Variants in SH3GL2 observed in about 807,000 individuals in gnomAD.
SH3GL2 encodes the protein SH3 domain containing GRB2 like 2, endophilin A1, also known as endophilin-A1.
In SH3GL2, 24 loss-of-function variants were observed where a neutral mutation model predicts 46.0. The observed-to-expected ratio is 0.52, with a 90% confidence interval of 0.38 to 0.73. The LOEUF (loss-of-function observed/expected upper bound fraction) is 0.73, where lower values mean the gene tolerates loss of function less well. Among genes scored for constraint, SH3GL2 ranks in the 30% least tolerant of loss-of-function variants. The probability of loss-of-function intolerance (pLI) is 0.00; values close to 1 mark genes in which losing one functional copy is unlikely to be tolerated. For synonymous variants in SH3GL2, 196 were observed against 147.1 expected (o/e 1.33, Z -2.40); for missense variants, 413 against 424.2 (o/e 0.97, Z 0.23).
intron 1 of SH3GL2, among the ~76,000 whole-genome samples, chr9:17,711,723 A>C (rs1821629982): frequency 6.6e-6 from 1 of 151,758 alleles, no homozygotes; most frequent in Non-Finnish European, 1.5e-5. Flanking sequence ...CTGTTGATGG[A>C]TGTTGGGTTG....
At chr9:17,746,831 T>G (rs1822702757) in intron 1 of SH3GL2, among the ~76,000 whole-genome samples, 1 of 152,190 alleles carries the variant, frequency 6.6e-6, no homozygotes, top group Non-Finnish European at 1.5e-5. Context: ...GAGGTTGAAA[T>G]CAGAAGATAC....
intron 1 of SH3GL2, among the ~76,000 whole-genome samples, chr9:17,730,188 G>A (rs1822136469): frequency 1.3e-5 from 2 of 152,146 alleles, no homozygotes; most frequent in Admixed American, 1.3e-4. Context: ...TCCCTTGTAA[G>A]TTGGATTCCT....
intron 1 of SH3GL2, among the ~76,000 whole-genome samples, chr9:17,595,617 T>A (rs1337376664): frequency 6.6e-6 from 1 of 152,220 alleles, no homozygotes; most frequent in East Asian, 1.9e-4. Flanking sequence ...TAGTAGTTAT[T>A]GTGGTGAAAA....
chr9:17,615,511 C>T (rs1028655236), intron 1 of SH3GL2, among the ~76,000 whole-genome samples: 1 of 151,728 alleles, frequency 6.6e-6, no homozygotes, highest in Admixed American at 6.6e-5. Flanking sequence ...AAAAATTAGC[C>T]AGGCGTGGCA....
At chr9:17,633,827 G>A (rs10963168) in intron 1 of SH3GL2, among the ~76,000 whole-genome samples, 18,667 of 152,212 alleles carry the variant, frequency 0.12, 1,588 homozygotes, top group Middle Eastern at 0.19. Flanking sequence ...TTGGGGAGTA[G>A]GTGTATGTTC....
At chr9:17,688,338 A>G (rs1820979909) in intron 1 of SH3GL2, among the ~76,000 whole-genome samples, 2 of 151,916 alleles carry the variant, frequency 1.3e-5, no homozygotes, top group Non-Finnish European at 2.9e-5. Context: ...ATCAACGGTG[A>G]AAAAAAATGT....
chr9:17,669,354 C>T (rs1418142590), intron 1 of SH3GL2, among the ~76,000 whole-genome samples: 4 of 152,132 alleles, frequency 2.6e-5, no homozygotes, highest in African/African-American at 4.8e-5. Flanking sequence ...TGTTCACCAC[C>T]GCAGTCAAAA....
chr9:17,645,396 G>C (rs1233188215), intron 1 of SH3GL2, among the ~76,000 whole-genome samples: 3 of 151,994 alleles, frequency 2.0e-5, no homozygotes, highest in South Asian at 4.2e-4. Flanking sequence ...TCTTATGTGT[G>C]AATTTGATCC....
chr9:17,640,456 C>T (rs976595623), intron 1 of SH3GL2, among the ~76,000 whole-genome samples: 3 of 151,686 alleles, frequency 2.0e-5, no homozygotes, highest in Admixed American at 2.0e-4. Flanking sequence ...GTTTATGGGA[C>T]ACATTTTTTT....
intron 1 of SH3GL2, among the ~76,000 whole-genome samples, chr9:17,612,007 A>G (rs1037150576): frequency 2.6e-5 from 4 of 152,160 alleles, no homozygotes; most frequent in Non-Finnish European, 5.9e-5. Context: ...TCAGTAGCTA[A>G]TAATATTGGG....
intron 2 of SH3GL2, among the ~76,000 whole-genome samples, chr9:17,751,479 C>CGTGT (rs58212352): frequency 0.1 from 15,000 of 146,326 alleles, 916 homozygotes; most frequent in Admixed American, 0.2. Flanking sequence ...TTTGTGTGTG[C>CGTGT]GTGTGTGTGT....
intron 3 of SH3GL2, among the ~76,000 whole-genome samples, chr9:17,772,841 T>G (rs1451612607): frequency 6.6e-6 from 1 of 152,198 alleles, no homozygotes; most frequent in Non-Finnish European, 1.5e-5. Context: ...CTGCTTTCAA[T>G]TATTTTGGGT....
intron 1 of SH3GL2, among the ~76,000 whole-genome samples, chr9:17,580,649 A>G (rs1818260657): frequency 6.6e-6 from 1 of 152,180 alleles, no homozygotes; most frequent in Non-Finnish European, 1.5e-5. Flanking sequence ...CATGTTTATG[A>G]AAGTAAGTGA....
intron 1 of SH3GL2, among the ~76,000 whole-genome samples, chr9:17,592,316 G>C (rs996758671): frequency 3.3e-5 from 5 of 152,192 alleles, no homozygotes; most frequent in African/African-American, 1.2e-4. Flanking sequence ...TGATTCAGAT[G>C]CTAATGTCTT....
chr9:17,747,424 G>T (rs942470874), intron 2 of SH3GL2, among the ~76,000 whole-genome samples: 3 of 152,168 alleles, frequency 2.0e-5, no homozygotes, highest in Admixed American at 1.3e-4. Context: ...GTGTTGAGCT[G>T]ATGTTTGAAT....
chr9:17,729,125 A>G (rs1383909562), intron 1 of SH3GL2, among the ~76,000 whole-genome samples: 1 of 152,166 alleles, frequency 6.6e-6, no homozygotes, highest in African/African-American at 2.4e-5. Flanking sequence ...CCTCTCCAGC[A>G]TCTGTTGTTT....
chr9:17,795,466 C>A (rs541305284), intron 8 of SH3GL2, 78 bp from the exon 9 acceptor site: 1 of 1,147,244 alleles, frequency 8.7e-7, no homozygotes, highest in Non-Finnish European at 1.3e-6. Flanking sequence ...CAGGTGGGTA[C>A]AGCAGGCAGC....
At chr9:17,584,619 C>T (rs1818338270) in intron 1 of SH3GL2, among the ~76,000 whole-genome samples, 1 of 152,216 alleles carries the variant, frequency 6.6e-6, no homozygotes, top group Non-Finnish European at 1.5e-5. Flanking sequence ...ATGCAGCCTT[C>T]TCTGCATTAA....
chr9:17,612,950 A>G (rs565466531), intron 1 of SH3GL2, among the ~76,000 whole-genome samples: 79 of 152,264 alleles, frequency 5.2e-4, no homozygotes, highest in Non-Finnish European at 8.4e-4. Context: ...AATACAATAT[A>G]TGGTCTTTAG....
Sources: allele counts gnomAD v4.1 joint callset (sites outside exome capture counted in the v4.1 genomes callset), GRCh38; gene constraint gnomAD v4.1.1; transcripts MANE v1.5; gene names NCBI Gene and HGNC (gene_info 2026-07-23, HGNC 2026-07-21).